CASP8: variants seen among roughly 807,000 people sequenced by gnomAD.
CASP8 encodes the protein caspase 8, also known as caspase-8.
Under a neutral mutation model 46.3 loss-of-function variants are expected in CASP8, and 24 were observed. That is an observed-to-expected ratio of 0.52 (90% CI 0.38 to 0.73). The LOEUF (loss-of-function observed/expected upper bound fraction) is 0.73. Ranked by LOEUF, CASP8 falls within the 30% of genes least tolerant of loss-of-function variation. The probability of loss-of-function intolerance (pLI) is 0.00; values close to 1 mark genes in which losing one functional copy is unlikely to be tolerated. For synonymous variants in CASP8, 188 were observed against 200.4 expected (o/e 0.94, Z 0.52); for missense variants, 460 against 559.0 (o/e 0.82, Z 1.79).
intron 2 of CASP8, among the ~76,000 whole-genome samples, chr2:201,248,082 C>T (rs1031429584): frequency 6.6e-5 from 10 of 152,198 alleles, no homozygotes; most frequent in Non-Finnish European, 1.5e-4. Flanking sequence ...GCCTGGACAG[C>T]ACCACCTATT....
chr2:201,281,847 T>A (rs1200108982), intron 7 of CASP8: 1 of 1,467,976 alleles, frequency 6.8e-7, no homozygotes, highest in East Asian at 2.8e-5. Context: ...TGAGAATGTT[T>A]TTAGCTGGTG....
At chr2:201,249,415 A>C (rs186863131) in intron 2 of CASP8, among the ~76,000 whole-genome samples, 33 of 152,376 alleles carry the variant, frequency 2.2e-4, no homozygotes, top group Non-Finnish European at 4.3e-4. Flanking sequence ...TTATTTTTTA[A>C]GAACAGTTTC....
At chr2:201,261,882 G>A (rs1459178379) in intron 1 of CASP8, 1 of 152,148 alleles carries the variant, frequency 6.6e-6, no homozygotes, top group Non-Finnish European at 1.5e-5. Context: ...TGATGAGATG[G>A]AATGTATTTA....
chr2:201,244,341 T>C (rs1946419762), intron 2 of CASP8, among the ~76,000 whole-genome samples: 1 of 152,208 alleles, frequency 6.6e-6, no homozygotes, highest in Non-Finnish European at 1.5e-5. Context: ...GGGACAGGCA[T>C]ATCAATGAAT....
rs1949581210 is a variant in CASP8, at chr2:201,286,722, TCTC to T, written c.*131_*133del. 1 of 730,176 alleles carries T rather than the reference TCTC, an allele frequency of 1.4e-6. No individual in the cohort carries two copies. Among genetic ancestry groups the T allele is most frequent in the African/African-American group, 1.7e-5 (1 of 57,170 alleles). 45.2% of individuals were successfully genotyped at this position (730,176 alleles called of 1,614,324 possible). On this transcript the variant is annotated 3_prime_UTR_variant, in exon 9 of 9. Transcript: ENST00000673742. ...GCTCCGCCTCCCGGGTTCAGGCCATTCTCCTGCCTCAGCCTCCCGAGTAGCTGG... is the reference window on the plus strand; with the variant it reads ...GCTCCGCCTCCCGGGTTCAGGCCATTCTGCCTCAGCCTCCCGAGTAGCTGG...
At chr2:201,240,613 A>G (rs993153937) in intron 2 of CASP8, 1 of 152,228 alleles carries the variant, frequency 6.6e-6, no homozygotes, top group African/African-American at 2.4e-5. Flanking sequence ...TAAATAATGG[A>G]TAGAACATTC....
In CASP8 at chr2:201,285,251, G is replaced by A. The variant is rs1301592633; in HGVS notation, c.1238G>A (p.Arg413Gln). 3.7e-6 allele frequency: 6 copies of A among 1,614,008 alleles called. No individual in the cohort carries two copies. The highest frequency in any genetic ancestry group is 1.1e-5 in the South Asian group (1 of 91,080). ...MATVNNCVSY[R>Q]NPAEGTWYIQ... ...ACTGTGAATAACTGTGTTTCCTACC[G>A]AAACCCTGCAGAGGGAACCTGGTAC... is the stretch of plus-strand genomic sequence containing the variant. The change falls in exon 8 of 9, where the codon CGA (arginine) becomes CAA (glutamine). Residue 413 changes from arginine to glutamine, a missense_variant. Coordinates refer to ENST00000673742, the MANE Select transcript of CASP8 (RefSeq NM_001372051.1).
At chr2:201,282,927 C>T (rs1949201366) in intron 7 of CASP8, among the ~76,000 whole-genome samples, 4 of 71,810 alleles carry the variant, frequency 5.6e-5, no homozygotes, top group African/African-American at 1.7e-4. Flanking sequence ...CCGGACGGGG[C>T]GGCTGGCCAG....
upstream of CASP8, among the ~76,000 whole-genome samples, chr2:201,257,093 C>G (rs998094408): frequency 6.6e-6 from 1 of 151,652 alleles, no homozygotes; most frequent in Non-Finnish European, 1.5e-5. Context: ...TGCTGTGAGC[C>G]GAGATGGCAC....
At chr2:201,257,060 G>A (rs540028974), upstream of CASP8, among the ~76,000 whole-genome samples, 204 of 150,640 alleles carry the variant, frequency 1.4e-3, no homozygotes, top group African/African-American at 3.9e-3. Context: ...CAGGAGAATC[G>A]CTTGAACCCG....
intron 1 of CASP8, among the ~76,000 whole-genome samples, chr2:201,265,389 A>AC (rs1947732639): frequency 6.6e-6 from 1 of 151,762 alleles, no homozygotes; most frequent in African/African-American, 2.4e-5. Flanking sequence ...GAAAAAAAAA[A>AC]AACGAAAACT....
At chr2:201,257,634 T>TGAGCAGGGCTGAGCC (rs1171137983), upstream of CASP8, among the ~76,000 whole-genome samples, 4 of 152,212 alleles carry the variant, frequency 2.6e-5, no homozygotes, top group African/African-American at 9.6e-5. Flanking sequence ...GAACTCAGCC[T>TGAGCAGGGCTGAGCC]GAGCAGGGCT....
At chr2:201,284,694 CGGGGAGAG>C (rs1949452025) in intron 7 of CASP8, 114 bp from the exon 8 acceptor site, 2 of 6,248 alleles carry the variant, frequency 3.2e-4, no homozygotes, top group Non-Finnish European at 5.8e-4. Context: ...GAGAGGGAGA[CGGGGAGAG>C]GGAGAGGGAG....
intron 7 of CASP8, among the ~76,000 whole-genome samples, chr2:201,278,907 A>G (rs1269969734): frequency 3.3e-5 from 5 of 152,236 alleles, no homozygotes; most frequent in African/African-American, 9.6e-5. Context: ...GAAGGAATAA[A>G]AAAGGAATAA....
At chr2:201,285,980 A>G (rs1949538766) in intron 8 of CASP8, among the ~76,000 whole-genome samples, 1 of 152,254 alleles carries the variant, frequency 6.6e-6, no homozygotes, top group South Asian at 2.1e-4. Flanking sequence ...CCAAGGTAGA[A>G]GAAGAGGTTG....
intron 2 of CASP8, among the ~76,000 whole-genome samples, chr2:201,243,893 AGGGAGTGAAGGGTC>A (rs1228502537): frequency 6.6e-6 from 1 of 152,164 alleles, no homozygotes. Flanking sequence ...AAGTCTGTTG[AGGGAGTGAAGGGTC>A]GGGGGGCAGC....
Position 201,272,083 on chromosome 2 carries a change from T to A in CASP8, c.411+462T>A, listed in dbSNP as rs1278946262. On this transcript the variant is annotated intron_variant, in intron 3 of 8. Transcript: ENST00000673742. This position sits in a 1 kb window ranked among gnomAD's most constrained non-coding sequence, Gnocchi z 4.4. ...TCTGTGTGTCTCTGTATAAGTGGTG[T>A]GTGTGTCTGTGTATCTCTGTGTGTG... Among the ~76,000 whole-genome samples, 1 of 151,928 alleles carries A rather than the reference T, an allele frequency of 6.6e-6. No individual in the cohort carries two copies. Among genetic ancestry groups the A allele is most frequent in the East Asian group, 1.9e-4 (1 of 5,198 alleles).
chr2:201,271,393 C>T, intron 2 of CASP8, 123 bp from the exon 3 acceptor site: 2 of 731,752 alleles, frequency 2.7e-6, no homozygotes, highest in Non-Finnish European at 5.0e-6. Flanking sequence ...ACTCATAAAC[C>T]ATGCCATTAA....
At chr2:201,264,547 G>GT (rs1036530139) in intron 1 of CASP8, among the ~76,000 whole-genome samples, 38 of 152,254 alleles carry the variant, frequency 2.5e-4, no homozygotes, top group African/African-American at 7.0e-4. Flanking sequence ...CGTGCTAGCA[G>GT]TATCTATTGG....
Sources: gnomAD v4.1 joint callset for allele counts (sites outside exome capture counted in the v4.1 genomes callset) on GRCh38, gnomAD v4.1.1 for gene constraint, Gnocchi (gnomAD v3.1) non-coding constraint, MANE v1.5 for transcripts, NCBI Gene and HGNC (gene_info 2026-07-23, HGNC 2026-07-21) for gene names.